ARFGEF3: variants seen among roughly 807,000 people sequenced by gnomAD.
ARFGEF3 encodes the protein ARFGEF family member 3.
In ARFGEF3, 96 loss-of-function variants were observed where a neutral mutation model predicts 221.7. The observed-to-expected ratio is 0.43, with a 90% CI of 0.37 to 0.51. The LOEUF is 0.51. Ranked by LOEUF, ARFGEF3 falls within the 20% of genes least tolerant of loss-of-function variation. The pLI, the probability that ARFGEF3 is intolerant of heterozygous loss-of-function variation, is 0.00. For missense variants in ARFGEF3, 2,410 were observed against 2,789.9 expected, an observed-to-expected ratio of 0.86 and a Z score of 3.07; for synonymous variants, 1,145 against 1,126.8, an observed-to-expected ratio of 1.02 and a Z score of -0.32.
At position 138,291,920 on chromosome 6, in the gene ARFGEF3, G is replaced by A; in HGVS notation, c.3235G>A (p.Val1079Ile). Reference protein sequence around the residue: ...QGRSLSTAPVVQPLSIQDLVR... With the variant: ...QGRSLSTAPVIQPLSIQDLVR... ...GCGCTCCCTGAGCACGGCCCCTGTC[G>A]TCCAGCCCCTGTCCATCCAGGACCT... The change falls in exon 19 of 34, where the codon GTC becomes ATC. Residue 1079 changes from valine to isoleucine, a missense_variant. Physicochemically the swap from Val to Ile is conservative, Grantham distance 29. Around this residue, in one of 5 missense-constraint regions of ARFGEF3, gnomAD observed 184 missense variants for 141.8 expected, o/e 1.30. Coordinates refer to ENST00000251691, the MANE Select transcript of ARFGEF3 (RefSeq NM_020340.5). This position sits in a 1 kb window ranked among gnomAD's most constrained non-coding sequence, Gnocchi z 4.5. 1.3e-6 allele frequency: 2 copies of A among 1,496,924 alleles called. No individual in the cohort carries two copies. The highest frequency in any genetic ancestry group is 1.3e-5 in the South Asian group (1 of 77,396). The allele number at this position is 1,496,924 out of a possible 1,614,324, so 92.7% of individuals were successfully genotyped here.
chr6:138,241,625 T>A (rs1023358958), intron 6 of ARFGEF3, among the ~76,000 whole-genome samples: 1 of 152,180 alleles, frequency 6.6e-6, no homozygotes, highest in African/African-American at 2.4e-5. Flanking sequence ...CTCAATTGAT[T>A]GAGATACTTG....
chr6:138,246,833 G>A (rs1778493696), intron 8 of ARFGEF3, among the ~76,000 whole-genome samples: 1 of 152,178 alleles, frequency 6.6e-6, no homozygotes, highest in Non-Finnish European at 1.5e-5. Flanking sequence ...TGCTAAATGA[G>A]TAGCTTACAG....
At chr6:138,175,268 T>C (rs1485685635) in intron 2 of ARFGEF3, among the ~76,000 whole-genome samples, 1 of 152,200 alleles carries the variant, frequency 6.6e-6, no homozygotes, top group Non-Finnish European at 1.5e-5. Flanking sequence ...GCTAGTCATG[T>C]GAAAATCTTT....
At chr6:138,254,118 G>T in intron 9 of ARFGEF3, 134 bp downstream of exon 9, 1 of 587,644 alleles carries the variant, frequency 1.7e-6, no homozygotes, top group Non-Finnish European at 2.8e-6. Context: ...GTCTTAGAGG[G>T]AAAGCAGGGA....
intron 23 of ARFGEF3, among the ~76,000 whole-genome samples, 194 bp downstream of exon 23, chr6:138,307,591 G>T (rs1394308849): frequency 2.6e-5 from 4 of 152,206 alleles, no homozygotes; most frequent in Non-Finnish European, 4.4e-5. Flanking sequence ...GCATTGTCAG[G>T]CCCTGTTCTT....
At chr6:138,238,734 T>G in intron 6 of ARFGEF3, 103 bp downstream of exon 6, 1 of 1,051,798 alleles carries the variant, frequency 9.5e-7, no homozygotes, top group Non-Finnish European at 1.4e-6. Flanking sequence ...CTGAAAACAG[T>G]AGGAAGAGCT....
At chr6:138,193,103 T>C (rs1370342040) in intron 2 of ARFGEF3, among the ~76,000 whole-genome samples, 1 of 152,176 alleles carries the variant, frequency 6.6e-6, no homozygotes, top group Non-Finnish European at 1.5e-5. Context: ...TCAAAGCTCC[T>C]TTGTGAAATC....
intron 14 of ARFGEF3, among the ~76,000 whole-genome samples, chr6:138,282,534 G>A (rs144449031): frequency 5.9e-5 from 9 of 152,290 alleles, no homozygotes; most frequent in South Asian, 4.1e-4. Context: ...AATTCGGGGC[G>A]AGGCACTATT....
chr6:138,316,342 G>T (rs535877736), intron 26 of ARFGEF3, among the ~76,000 whole-genome samples: 3 of 151,922 alleles, frequency 2.0e-5, no homozygotes, highest in Non-Finnish European at 4.4e-5. Context: ...ATATTATTCC[G>T]CTGGTTTTCA....
intron 25 of ARFGEF3, among the ~76,000 whole-genome samples, chr6:138,313,520 A>G (rs1286990808): frequency 2.6e-5 from 4 of 152,224 alleles, no homozygotes; most frequent in African/African-American, 7.2e-5. Flanking sequence ...ATAAAAGTCT[A>G]TAGAACTCAT....
intron 33 of ARFGEF3, 71 bp downstream of exon 33, chr6:138,335,259 G>A (rs1290776214): frequency 3.5e-6 from 5 of 1,420,474 alleles, no homozygotes; most frequent in South Asian, 1.5e-5. Context: ...CCCCCTTGCA[G>A]AGCAGGCATA....
intron 12 of ARFGEF3, among the ~76,000 whole-genome samples, chr6:138,264,617 TCA>T (rs1223981425): frequency 6.6e-6 from 1 of 152,212 alleles, no homozygotes; most frequent in African/African-American, 2.4e-5. Context: ...GGTGCATTTA[TCA>T]CAGTCATGTG....
In ARFGEF3 at chr6:138,280,145, C is replaced by T; in HGVS notation, c.2442C>T (p.Pro814=). 1.2e-6 allele frequency: 2 copies of T among 1,613,688 alleles called. No individual in the cohort carries two copies. Among genetic ancestry groups the T allele is most frequent in the Non-Finnish European group, 1.7e-6 (2 of 1,179,716 alleles). Residue 814 remains proline, a synonymous_variant, in exon 14 of 34, where the codon CCC becomes CCT. Transcript: ENST00000251691. ...GCAGCCCAGAAGATAACAGCCTTCC[C>T]CTCATCACAATGCTGACCGGTCAGT... The part of the protein sequence containing the change: ...YWGSPEDNSL[P]LITMLTDIDG...
intron 32 of ARFGEF3, among the ~76,000 whole-genome samples, chr6:138,330,109 ACTT>A (rs917954313): frequency 5.3e-5 from 8 of 152,096 alleles, no homozygotes; most frequent in African/African-American, 1.9e-4. Flanking sequence ...GGCCATTTTC[ACTT>A]CTTTTGTGGT....
At chr6:138,238,104 C>T (rs1778320205) in intron 5 of ARFGEF3, among the ~76,000 whole-genome samples, 1 of 152,272 alleles carries the variant, frequency 6.6e-6, no homozygotes. Context: ...CAGGAGAAAG[C>T]GTTTTGCTAA....
At chr6:138,203,247 GTTGGAAGGAAC>G (rs986441195) in intron 2 of ARFGEF3, among the ~76,000 whole-genome samples, 14 of 152,274 alleles carry the variant, frequency 9.2e-5, no homozygotes, top group Admixed American at 9.2e-4. Context: ...ACCAAAGGAG[GTTGGAAGGAAC>G]TTGGTCTTGG....
chr6:138,201,836 A>G (rs1452255161), intron 2 of ARFGEF3, among the ~76,000 whole-genome samples: 1 of 152,188 alleles, frequency 6.6e-6, no homozygotes, highest in Admixed American at 6.5e-5. Flanking sequence ...TTTTTTTTAA[A>G]AAGTTCACAT....
At chr6:138,253,849 C>T (rs1305566268) in intron 8 of ARFGEF3, 31 bp from the exon 9 acceptor site, 5 of 1,513,136 alleles carry the variant, frequency 3.3e-6, no homozygotes, top group Non-Finnish European at 9.0e-7. Flanking sequence ...TGTCTTTTGT[C>T]TGCATTTGTG....
rs1776638001 is a variant in ARFGEF3, at chr6:138,162,449, AC to A, written c.85+279del. Among the ~76,000 whole-genome samples the A allele has an allele frequency of 1.3e-5, 2 of 151,866 alleles. No individual in the cohort carries two copies. Among genetic ancestry groups the A allele is most frequent in the African/African-American group, 4.8e-5 (2 of 41,348 alleles). On this transcript the variant is annotated intron_variant, in intron 1 of 33. Transcript: ENST00000251691. This position sits in a 1 kb window ranked among gnomAD's most constrained non-coding sequence, Gnocchi z 4.7. ...CCTTCTCCTGGTCCCGGCGCTGGGG[AC>A]GATGCTTCCCCATCGCCGAGTTAGG...
Sources: gnomAD v4.1 joint callset for allele counts (sites outside exome capture counted in the v4.1 genomes callset) on GRCh38, gnomAD v4.1.1 for gene constraint, gnomAD v4.1.1 regional missense constraint, Gnocchi (gnomAD v3.1) non-coding constraint, MANE v1.5 for transcripts, NCBI Gene and HGNC (gene_info 2026-07-23, HGNC 2026-07-21) for gene names.